Variants in ZMYM4 observed in about 807,000 individuals in gnomAD.
The protein encoded by ZMYM4 is zinc finger MYM-type protein 4.
ZMYM4 carries 31 observed loss-of-function variants against 183.2 expected under a neutral mutation model. That is an observed-to-expected ratio of 0.17 (90% CI 0.13 to 0.23). The LOEUF is 0.23. Ranked by LOEUF, ZMYM4 falls within the 10% of genes least tolerant of loss-of-function variation. ZMYM4 has a pLI of 1.00. For missense variants in ZMYM4, 1,273 were observed against 1,840.3 expected (o/e 0.69, Z 5.64); for synonymous variants, 592 against 631.2 (o/e 0.94, Z 0.93).
Position 35,387,040 on chromosome 1 carries a change from T to C in ZMYM4, c.1874T>C (p.Val625Ala). ...AAACCAACTGGAATGAATTCTTCAG[T>C]AGTGCCCTTGTCTCAGGGCCAAGTA... is the stretch of plus-strand genomic sequence containing the variant. ...FNKPTGMNSS[V>A]VPLSQGQVIV... is the part of the protein sequence containing the mutation. Residue 625 changes from valine (V) to alanine (A), a missense_variant, in exon 12 of 30, where the codon GTA becomes GCA. Physicochemically the swap from Val to Ala is moderately conservative, Grantham distance 64 (BLOSUM62 0). This residue lies in a region of ZMYM4 where 319 missense variants were observed against 518.1 expected (regional missense o/e 0.62). Transcript: ENST00000314607. 1.2e-6 allele frequency: 2 copies of C among 1,614,230 alleles called. No homozygotes were observed. The highest frequency in any genetic ancestry group is 1.7e-6 in the Non-Finnish European group (2 of 1,180,034).
intron 1 of ZMYM4, among the ~76,000 whole-genome samples, chr1:35,302,200 C>CTTTTTTTTTTTTTTTTTTTTTTTTTTTTT (rs576277396): frequency 1.7e-5 from 1 of 58,556 alleles, no homozygotes; most frequent in African/African-American, 6.4e-5. Flanking sequence ...ACGGCTCTTG[C>CTTTTTTTTTTTTTTTTTTTTTTTTTTTTT]TTTTTTTTTT....
At chr1:35,274,156 A>G (rs1639752295) in intron 1 of ZMYM4, among the ~76,000 whole-genome samples, 1 of 151,984 alleles carries the variant, frequency 6.6e-6, no homozygotes, top group African/African-American at 2.4e-5. Context: ...TCATTACAAT[A>G]TTTGCGGTTT....
chr1:35,274,924 G>T (rs1010234683), intron 1 of ZMYM4, among the ~76,000 whole-genome samples: 1 of 152,068 alleles, frequency 6.6e-6, no homozygotes, highest in Non-Finnish European at 1.5e-5. Flanking sequence ...ATATAGGTTA[G>T]AACTTTTGTT....
chr1:35,370,799 C>A, intron 7 of ZMYM4, 172 bp downstream of exon 7: 1 of 742,406 alleles, frequency 1.3e-6, no homozygotes, highest in Non-Finnish European at 1.8e-6. Flanking sequence ...GCTTTTCAGT[C>A]TTCCAGGTGC....
chr1:35,353,011 T>C (rs1464642627), intron 2 of ZMYM4, among the ~76,000 whole-genome samples: 1 of 152,208 alleles, frequency 6.6e-6, no homozygotes, highest in East Asian at 1.9e-4. Context: ...TTTCAAAATC[T>C]ACCATCCCAA....
intron 1 of ZMYM4, chr1:35,296,107 G>T (rs1237871876): frequency 1.3e-5 from 2 of 152,174 alleles, no homozygotes; most frequent in Non-Finnish European, 2.9e-5. Context: ...ATTTTCTGCG[G>T]TTATCCCTGA....
At chr1:35,359,855 A>G (rs966361208) in intron 3 of ZMYM4, among the ~76,000 whole-genome samples, 1 of 151,684 alleles carries the variant, frequency 6.6e-6, no homozygotes, top group African/African-American at 2.4e-5. Context: ...TTTTAATTTA[A>G]TTTTTTGTTT....
intron 2 of ZMYM4, among the ~76,000 whole-genome samples, chr1:35,339,080 G>T (rs568944784): frequency 4.7e-4 from 71 of 152,158 alleles, no homozygotes; most frequent in African/African-American, 1.4e-3. Context: ...TGTATCCATG[G>T]GTTCTGCATC....
At chr1:35,310,059 T>C (rs1223497667) in intron 1 of ZMYM4, among the ~76,000 whole-genome samples, 1 of 151,718 alleles carries the variant, frequency 6.6e-6, no homozygotes, top group African/African-American at 2.4e-5. Flanking sequence ...GCCTCCTCAG[T>C]AGCTGAGATT....
intron 9 of ZMYM4, among the ~76,000 whole-genome samples, chr1:35,381,974 A>G (rs1193794996): frequency 1.3e-5 from 2 of 151,902 alleles, no homozygotes; most frequent in Non-Finnish European, 2.9e-5. Context: ...GAGAAACCCC[A>G]TCTCTACTAA....
intron 2 of ZMYM4, chr1:35,358,674 TC>T (rs1643880493): frequency 2.7e-6 from 1 of 366,084 alleles, no homozygotes; most frequent in Non-Finnish European, 4.9e-6. Context: ...AAGTTGGTGC[TC>T]TTTTCTCTAT....
At chr1:35,368,602 C>G (rs1255098576) in intron 5 of ZMYM4, among the ~76,000 whole-genome samples, 4 of 151,936 alleles carry the variant, frequency 2.6e-5, no homozygotes, top group Admixed American at 2.6e-4. Flanking sequence ...TAATTAAGAA[C>G]ATTTTTTGGG....
At chr1:35,393,883 G>T (rs747804911) in intron 18 of ZMYM4, 144 bp downstream of exon 18, 5 of 931,084 alleles carry the variant, frequency 5.4e-6, no homozygotes, top group Non-Finnish European at 7.4e-6. Flanking sequence ...CAGCATCCCC[G>T]TGAGTTAGGT....
chr1:35,338,361 T>G (rs1182758814), intron 2 of ZMYM4, among the ~76,000 whole-genome samples: 16 of 152,226 alleles, frequency 1.1e-4, no homozygotes. Flanking sequence ...GTTGGCCCTC[T>G]GTATCAGTGG....
At chr1:35,306,279 T>A (rs1261913534) in intron 1 of ZMYM4, among the ~76,000 whole-genome samples, 1 of 152,172 alleles carries the variant, frequency 6.6e-6, no homozygotes, top group Non-Finnish European at 1.5e-5. Flanking sequence ...TGTAGAATAG[T>A]ATATTTCATT....
intron 1 of ZMYM4, 141 bp from the exon 2 acceptor site, chr1:35,325,215 CTATT>C: frequency 1.5e-6 from 1 of 649,898 alleles, no homozygotes; most frequent in Non-Finnish European, 2.4e-6. Context: ...TTATTTTACT[CTATT>C]TGGCAATGTT....
chr1:35,276,244 G>GTCCCTCCCTCCCTCCCTCCT (rs1216286661), intron 1 of ZMYM4, among the ~76,000 whole-genome samples: 2 of 147,792 alleles, frequency 1.4e-5, no homozygotes, highest in South Asian at 2.2e-4. Context: ...ACTCATTTCT[G>GTCCCTCCCTCCCTCCCTCCT]TCCCTCCCTC....
intron 2 of ZMYM4, among the ~76,000 whole-genome samples, chr1:35,336,111 CT>C (rs1642965804): frequency 6.6e-6 from 1 of 152,196 alleles, no homozygotes; most frequent in African/African-American, 2.4e-5. Flanking sequence ...TCTTCATCCC[CT>C]GGCAACCTTA....
intron 1 of ZMYM4, among the ~76,000 whole-genome samples, chr1:35,304,284 A>C (rs1641425195): frequency 6.6e-6 from 1 of 152,084 alleles, no homozygotes; most frequent in South Asian, 2.1e-4. Context: ...TTGGTCTCCC[A>C]AAGTGCTGGG....
Sources: allele counts gnomAD v4.1 joint callset (sites outside exome capture counted in the v4.1 genomes callset), GRCh38; gene constraint gnomAD v4.1.1; regional missense constraint gnomAD v4.1.1; transcripts MANE v1.5; gene names NCBI Gene and HGNC (gene_info 2026-07-23, HGNC 2026-07-21).